The following PTPRF variants were observed in gnomAD, a reference collection of about 807,000 sequenced individuals.
The protein encoded by PTPRF is receptor-type tyrosine-protein phosphatase F.
Under a neutral mutation model 201.8 loss-of-function variants are expected in PTPRF, and 59 were observed. The ratio of observed to expected loss-of-function variants is 0.29; its 90% CI spans 0.24 to 0.36. The LOEUF (loss-of-function observed/expected upper bound fraction) is 0.36, where lower values mean the gene tolerates loss of function less well. Among genes scored for constraint, PTPRF ranks in the 10% least tolerant of loss-of-function variants. PTPRF has a pLI of 1.00. For missense variants in PTPRF, 2,132 were observed against 2,690.5 expected, an observed-to-expected ratio of 0.79 and a Z score of 4.59; for synonymous variants, 1,088 against 1,089.7, an observed-to-expected ratio of 1.00 and a Z score of 0.03.
At chr1:43,606,609 G>A (rs183295377) in intron 20 of PTPRF, 151 bp downstream of exon 20, 29 of 1,099,750 alleles carry the variant, frequency 2.6e-5, no homozygotes, top group East Asian at 4.8e-5. Flanking sequence ...GATCTGTCCC[G>A]GGGATCCTAA....
intron 22 of PTPRF, chr1:43,613,157 CA>C: frequency 7.7e-6 from 2 of 260,916 alleles, no homozygotes; most frequent in South Asian, 4.1e-5. Context: ...GTCTGTACTT[CA>C]TGACCACTCC....
chr1:43,541,992 C>G (rs925178181), intron 2 of PTPRF, among the ~76,000 whole-genome samples: 3 of 152,186 alleles, frequency 2.0e-5, no homozygotes, highest in Non-Finnish European at 4.4e-5. Flanking sequence ...CTGTGAACAC[C>G]GTTGCATGGA....
chr1:43,547,751 A>G (rs1247000630), intron 3 of PTPRF, among the ~76,000 whole-genome samples: 1 of 152,208 alleles, frequency 6.6e-6, no homozygotes, highest in East Asian at 1.9e-4. Context: ...AGCAGCTGCC[A>G]AGAGTTAGCC....
At chr1:43,539,200 C>T (rs568122895) in intron 2 of PTPRF, among the ~76,000 whole-genome samples, 2 of 152,302 alleles carry the variant, frequency 1.3e-5, no homozygotes, top group Admixed American at 6.5e-5. Context: ...CTTACTAACA[C>T]AGTGGCAGTG....
chr1:43,529,832 T>C (rs12090996), upstream of PTPRF, among the ~76,000 whole-genome samples: 3,033 of 152,288 alleles, frequency 0.02, 104 homozygotes, highest in African/African-American at 0.069. Context: ...CTAGGGTCAT[T>C]ATTTGAGTTT....
chr1:43,621,729 G>T (rs967918010), intron 33 of PTPRF, among the ~76,000 whole-genome samples: 5 of 152,190 alleles, frequency 3.3e-5, no homozygotes, highest in Non-Finnish European at 7.4e-5. Context: ...GCAGGTAGAT[G>T]TGGGGGCCTG....
At chr1:43,620,399 AC>A in intron 30 of PTPRF, 54 bp from the exon 31 acceptor site, 1 of 1,553,222 alleles carries the variant, frequency 6.4e-7, no homozygotes, top group Non-Finnish European at 8.8e-7. Context: ...GAAGCCTGGC[AC>A]CCCTCCCCTA....
At chr1:43,606,581 G>A (rs1655175262) in intron 20 of PTPRF, 123 bp downstream of exon 20, 1 of 1,143,530 alleles carries the variant, frequency 8.7e-7, no homozygotes, top group Middle Eastern at 2.3e-4. Flanking sequence ...AGATCCTGGG[G>A]CAGCACTAAA....
intron 11 of PTPRF, among the ~76,000 whole-genome samples, chr1:43,593,322 G>A (rs886430672): frequency 6.6e-6 from 1 of 152,198 alleles, no homozygotes; most frequent in African/African-American, 2.4e-5. Flanking sequence ...ATGTGCATCA[G>A]TGGATCTTGG....
chr1:43,533,047 T>C (rs1392966795), intron 1 of PTPRF, among the ~76,000 whole-genome samples: 1 of 152,270 alleles, frequency 6.6e-6, no homozygotes. Context: ...TTGCACATTT[T>C]ACTTGCTCAG....
In PTPRF at chr1:43,622,324, T is replaced by G. The variant is rs150847540; in HGVS notation, c.*321T>G. 1,349 of 368,782 alleles carry G rather than the reference T, an allele frequency of 3.7e-3. 7 individuals are homozygous for G. Among genetic ancestry groups the G allele is most frequent in the Non-Finnish European group, 4.0e-3 (793 of 200,732 alleles). 22.8% of individuals were successfully genotyped at this position (368,782 alleles called of 1,614,324 possible). A position where few individuals can be genotyped will look rare whatever the true frequency, so the allele number is the denominator to read the frequency against. ...CATGGGGTGGGGTTGGGGCAAAGCCTCCTTTTTAATACATTAAGTGGGGTA... is the reference window on the plus strand; with the variant it reads ...CATGGGGTGGGGTTGGGGCAAAGCCGCCTTTTTAATACATTAAGTGGGGTA... On this transcript the variant is annotated 3_prime_UTR_variant, in exon 34 of 34. Transcript: ENST00000359947.
chr1:43,593,749 G>A (rs2154015453), intron 11 of PTPRF, among the ~76,000 whole-genome samples: 1 of 150,734 alleles, frequency 6.6e-6, no homozygotes, highest in African/African-American at 2.4e-5. Context: ...CTTTGGGGAG[G>A]CCAAGGTGGG....
chr1:43,561,040 G>A (rs1350443393), intron 5 of PTPRF, among the ~76,000 whole-genome samples: 1 of 152,162 alleles, frequency 6.6e-6, no homozygotes, highest in African/African-American at 2.4e-5. Flanking sequence ...AATCAGTGCT[G>A]TACTGGGCTT....
chr1:43,621,197 C>G lies in PTPRF; in HGVS notation c.5620C>G (p.Leu1874Val), dbSNP rs990623648. The G allele has an allele frequency of 3.7e-6, 6 of 1,614,150 alleles. No individual in the cohort carries two copies. The highest frequency in any genetic ancestry group is 2.7e-5 in the African/African-American group (2 of 75,074). Reference sequence around the variant, plus strand: ...CGACATGTTTCAGACCGTGAAGACCCTGCGTACACAGCGTCCTGCCATGGT... The same window carrying G: ...CGACATGTTTCAGACCGTGAAGACCGTGCGTACACAGCGTCCTGCCATGGT... ...VVDMFQTVKT[L>V]RTQRPAMVQT... is the part of the protein sequence containing the mutation. Residue 1874 changes from leucine (L) to valine (V), a missense_variant, in exon 33 of 34, where the codon CTG becomes GTG. Around this residue, in one of 6 missense-constraint regions of PTPRF, gnomAD observed 519 missense variants for 659.5 expected, o/e 0.79. Coordinates refer to ENST00000359947, the MANE Select transcript of PTPRF (RefSeq NM_002840.5).
intron 8 of PTPRF, among the ~76,000 whole-genome samples, chr1:43,589,756 G>A (rs1650156300): frequency 6.6e-6 from 1 of 151,372 alleles, no homozygotes; most frequent in South Asian, 2.1e-4. Flanking sequence ...AGCTACTTGG[G>A]AGGGCTGAGA....
At chr1:43,570,720 AG>A (rs1646508714) in intron 6 of PTPRF, among the ~76,000 whole-genome samples, 2 of 152,346 alleles carry the variant, frequency 1.3e-5, no homozygotes, top group South Asian at 4.1e-4. Context: ...CAGCAGGAGG[AG>A]GGAGAGACAA....
intron 22 of PTPRF, among the ~76,000 whole-genome samples, chr1:43,610,699 A>G (rs374545303): frequency 1.3e-5 from 2 of 152,138 alleles, no homozygotes; most frequent in Admixed American, 6.5e-5. Context: ...ATGAAATCCC[A>G]TCTCTACTAA....
At chr1:43,606,582 C>T (rs1655175847) in intron 20 of PTPRF, 124 bp downstream of exon 20, 2 of 1,136,306 alleles carry the variant, frequency 1.8e-6, no homozygotes, top group Non-Finnish European at 1.2e-6. Flanking sequence ...GATCCTGGGG[C>T]AGCACTAAAG....
chr1:43,533,392 G>A (rs1030332486), intron 1 of PTPRF, among the ~76,000 whole-genome samples: 25 of 151,326 alleles, frequency 1.7e-4, no homozygotes, highest in African/African-American at 5.4e-4. Flanking sequence ...GTATGGATAC[G>A]CAGCAAAATA....
Sources: gnomAD v4.1 joint callset for allele counts (sites outside exome capture counted in the v4.1 genomes callset) on GRCh38, gnomAD v4.1.1 for gene constraint, gnomAD v4.1.1 regional missense constraint, MANE v1.5 for transcripts, NCBI Gene and HGNC (gene_info 2026-07-23, HGNC 2026-07-21) for gene names.